The following HTR4 variants were observed in gnomAD, a reference collection of about 807,000 sequenced individuals.
HTR4 encodes 5-hydroxytryptamine receptor 4, also known as 5-hydroxytryptamine (serotonin) receptor 4, G protein-coupled.
A neutral mutation model predicts 36.8 loss-of-function variants in HTR4; 16 were observed. That is an observed-to-expected ratio of 0.43 (90% CI 0.29 to 0.66). The LOEUF is 0.66. Ranked by LOEUF, HTR4 falls within the 30% of genes least tolerant of loss-of-function variation. HTR4 has a pLI of 0.13. For missense variants in HTR4, 438 were observed against 490.9 expected (o/e 0.89, Z 1.02); for synonymous variants, 189 against 185.1 (o/e 1.02, Z -0.17).
intron 6 of HTR4, among the ~76,000 whole-genome samples, chr5:148,504,925 C>T (rs772467952): frequency 6.6e-5 from 10 of 152,030 alleles, no homozygotes; most frequent in Non-Finnish European, 5.9e-5. Context: ...ACACATACAC[C>T]CTCCCAAGAC....
intron 5 of HTR4, among the ~76,000 whole-genome samples, chr5:148,516,790 T>C (rs940303526): frequency 9.2e-5 from 14 of 152,144 alleles, no homozygotes; most frequent in East Asian, 7.7e-4. Context: ...TATAAAAAAG[T>C]ACAGTTGCTC....
At chr5:148,606,820 C>T (rs1752184411) in intron 2 of HTR4, among the ~76,000 whole-genome samples, 1 of 152,192 alleles carries the variant, frequency 6.6e-6, no homozygotes, top group Non-Finnish European at 1.5e-5. Flanking sequence ...TGATTTGTCA[C>T]TTCTATGAAT....
rs140333043 is a variant in HTR4, at chr5:148,548,555, A to G, written c.353+113T>C. The G allele has an allele frequency of 4.5e-4, 408 of 903,040 alleles. 2 individuals carry two copies. In the East Asian group the frequency reaches 0.011, roughly 23 times the overall value. 55.9% of individuals were successfully genotyped at this position (903,040 alleles called of 1,614,324 possible). A position where few individuals can be genotyped will look rare whatever the true frequency, so the allele number is the denominator to read the frequency against. ...ACTGTATAACTGAATTATCAAATTT[A>G]CCTCTCTGAGATTCATTTCTTCTAA... On this transcript the variant is annotated intron_variant, in intron 4 of 6. Transcript: ENST00000377888.
intron 2 of HTR4, among the ~76,000 whole-genome samples, chr5:148,564,586 A>T (rs1403650196): frequency 6.6e-6 from 1 of 152,126 alleles, no homozygotes; most frequent in East Asian, 1.9e-4. Flanking sequence ...ATTCAGCTCA[A>T]TAGTTCTGTT....
rs180687432 is a variant in HTR4 at position 148,506,108 on chromosome 5, A to C, written c.1076+3348T>G. Among the ~76,000 whole-genome samples the C allele has an allele frequency of 1.9e-4, 29 of 152,296 alleles. 1 individual carries two copies. The East Asian group carries it at 2.5e-3, about 13-fold the overall frequency. On this transcript the variant is annotated intron_variant, in intron 6 of 6. Coordinates refer to ENST00000377888, the MANE Select transcript of HTR4 (RefSeq NM_000870.7). ...AGAACAAAGCTGGAGGCATCATGCT[A>C]CCTGACTTCAAACTATACTACAAGG... is the stretch of plus-strand genomic sequence containing the variant.
At chr5:148,567,208 A>T (rs907248671) in intron 2 of HTR4, among the ~76,000 whole-genome samples, 3 of 151,950 alleles carry the variant, frequency 2.0e-5, no homozygotes, top group Non-Finnish European at 2.9e-5. Flanking sequence ...AACTTCAATA[A>T]TTTTTTTTAA....
Position 148,654,324 on chromosome 5 carries a change from C to A in HTR4, c.-310G>T. 3.0e-6 allele frequency: 3 copies of A among 984,866 alleles called. No individual in the cohort carries two copies. The highest frequency in any genetic ancestry group is 3.6e-6 in the Non-Finnish European group (3 of 829,432). 61.0% of individuals were successfully genotyped at this position (984,866 alleles called of 1,614,324 possible). ...GCATCGTCCTTCTCCCCAACCGAGC[C>A]GGACTCCACGGGCTCAACAGCCCCC... On this transcript the variant is annotated 5_prime_UTR_variant, in exon 1 of 7. Transcript: ENST00000377888.
intron 2 of HTR4, among the ~76,000 whole-genome samples, chr5:148,626,485 C>T (rs1055117672): frequency 4.7e-4 from 72 of 152,176 alleles, no homozygotes; most frequent in Non-Finnish European, 5.6e-4. Flanking sequence ...AAATATTAGA[C>T]TCGATTCTCA....
chr5:148,483,525 T>C (rs1053510817), intron 6 of HTR4, among the ~76,000 whole-genome samples: 4 of 152,242 alleles, frequency 2.6e-5, no homozygotes, highest in African/African-American at 9.6e-5. Flanking sequence ...ATATGGCTTC[T>C]ACCTGATGGA....
At chr5:148,554,885 G>A (rs1759867330) in intron 2 of HTR4, among the ~76,000 whole-genome samples, 1 of 152,062 alleles carries the variant, frequency 6.6e-6, no homozygotes, top group South Asian at 2.1e-4. Context: ...CCACTTGTAA[G>A]TAAGAACATG....
chr5:148,457,670 AATATATCATTAAAATATATTTTG>A lies in HTR4; in HGVS notation c.1077-6421_1077-6399del, dbSNP rs1476128702. 4.0e-3 allele frequency among the ~76,000 whole-genome samples: 583 copies of A among 146,394 alleles called. 19 individuals carry two copies. The East Asian group carries it at 0.046, about 12-fold the overall frequency. On this transcript the variant is annotated intron_variant, in intron 5 of 5. Transcript: ENST00000521530. Reference sequence around the variant, plus strand: ...TTAATATATCATTAAAATATATTTTAATATATCATTAAAATATATTTTGATATATCATTAAAATATATTTTGAT... The same window carrying A: ...TTAATATATCATTAAAATATATTTTAATATATCATTAAAATATATTTTGAT...
chr5:148,483,300 AGAG>A lies in HTR4; in HGVS notation c.1077-10_1077-8del, dbSNP rs565538004. ...ACCACACTCCACTGCATCCCTAGAG[AGAG>A]GAGAAGATTACAGAACCTCAGAATT... On this transcript the variant is annotated splice_region_variant and splice_polypyrimidine_tract_variant and intron_variant, in intron 6 of 6. Transcript: ENST00000377888. The A allele has an allele frequency of 3.7e-3, 5,966 of 1,610,186 alleles. 27 individuals carry two copies. The highest frequency in any genetic ancestry group is 3.4e-3 in the Non-Finnish European group (4,003 of 1,177,880).
intron 1 of HTR4, among the ~76,000 whole-genome samples, chr5:148,651,173 C>A (rs1343293586): frequency 6.6e-6 from 1 of 152,134 alleles, no homozygotes; most frequent in Non-Finnish European, 1.5e-5. Flanking sequence ...CAGTGTCTGG[C>A]ACATATCAAG....
chr5:148,533,107 C>G (rs1399113503), intron 4 of HTR4, among the ~76,000 whole-genome samples: 1 of 152,192 alleles, frequency 6.6e-6, no homozygotes, highest in Non-Finnish European at 1.5e-5. Context: ...GATTCATATG[C>G]TAGGTAGACA....
intron 2 of HTR4, among the ~76,000 whole-genome samples, chr5:148,620,843 T>C (rs1372940708): frequency 6.6e-6 from 1 of 152,138 alleles, no homozygotes; most frequent in African/African-American, 2.4e-5. Context: ...CACTATCTTC[T>C]CCATCTCAAG....
chr5:148,526,131 G>T (rs1029692767), intron 4 of HTR4, among the ~76,000 whole-genome samples: 1 of 152,154 alleles, frequency 6.6e-6, no homozygotes, highest in African/African-American at 2.4e-5. Context: ...AGCCTTTAGA[G>T]CAGTGAGACA....
At chr5:148,599,678 C>T (rs138654889) in intron 2 of HTR4, among the ~76,000 whole-genome samples, 1 of 151,448 alleles carries the variant, frequency 6.6e-6, no homozygotes, top group Non-Finnish European at 1.5e-5. Context: ...GGAATGCAAA[C>T]AGAAATGAAA....
intron 2 of HTR4, among the ~76,000 whole-genome samples, chr5:148,592,166 A>G (rs1240243176): frequency 1.3e-5 from 2 of 152,170 alleles, no homozygotes; most frequent in African/African-American, 4.8e-5. Flanking sequence ...CTCACTGACA[A>G]GTGGGAGCTA....
In HTR4 at chr5:148,565,826, C is replaced by T. The variant is rs374559869; in HGVS notation, c.27-15564G>A. Among the ~76,000 whole-genome samples, 47 of 152,256 alleles carry T rather than the reference C, an allele frequency of 3.1e-4. 1 individual carries two copies. The highest frequency in any genetic ancestry group is 3.4e-3 in the Middle Eastern group (1 of 294). On this transcript the variant is annotated intron_variant, in intron 2 of 6. Transcript: ENST00000377888. ...CTATCCACTACTTCTCCTCCTGCAC[C>T]TGGTTACTAGTCATCTCTAGAGCCA...
Sources: gnomAD v4.1 joint callset for allele counts (sites outside exome capture counted in the v4.1 genomes callset) on GRCh38, gnomAD v4.1.1 for gene constraint, MANE v1.5 for transcripts, NCBI Gene and HGNC (gene_info 2026-07-23, HGNC 2026-07-21) for gene names.